Variants in COBL observed in about 807,000 individuals in gnomAD.
COBL encodes the protein cordon-bleu WH2 repeat protein, also known as protein cordon-bleu.
In COBL, 51 loss-of-function variants were observed where a neutral mutation model predicts 98.8. The observed-to-expected ratio is 0.52, with a 90% CI of 0.41 to 0.65. The LOEUF (loss-of-function observed/expected upper bound fraction) is 0.65. Among genes scored for constraint, COBL ranks in the 30% least tolerant of loss-of-function variants. COBL has a pLI of 0.00. For synonymous variants in COBL, 634 were observed against 651.7 expected, an observed-to-expected ratio of 0.97 and a Z score of 0.41; for missense variants, 1,617 against 1,617.5, an observed-to-expected ratio of 1.00 and a Z score of 0.01.
At chr7:51,223,204 C>T (rs921062405) in intron 1 of COBL, among the ~76,000 whole-genome samples, 4 of 152,270 alleles carry the variant, frequency 2.6e-5, no homozygotes, top group African/African-American at 7.2e-5. Flanking sequence ...GCTGCAAGGG[C>T]GGCAGGGAGG....
chr7:51,027,425 C>T (rs562148032), intron 10 of COBL, among the ~76,000 whole-genome samples: 1 of 152,226 alleles, frequency 6.6e-6, no homozygotes, highest in African/African-American at 2.4e-5. Flanking sequence ...ATTCCTCTGG[C>T]CCTGTGGATG....
At chr7:51,056,812 AACAC>A (rs3047115) in intron 7 of COBL, among the ~76,000 whole-genome samples, 91 of 143,672 alleles carry the variant, frequency 6.3e-4, no homozygotes, top group South Asian at 3.3e-3. Flanking sequence ...GTGCTCTCCC[AACAC>A]ACACACACAC....
In COBL at chr7:51,142,789, G is replaced by A. The variant is rs114239774; in HGVS notation, c.784-6458C>T. On this transcript the variant is annotated intron_variant, in intron 5 of 12. Transcript: ENST00000265136. ...AGGACCATCTGCCAGGCATTTGAAT[G>A]TTTAGAATGCTTAACAATGACAATT... Among the ~76,000 whole-genome samples the A allele has an allele frequency of 7.2e-3, 1,099 of 152,292 alleles. 13 individuals carry two copies. Among genetic ancestry groups the A allele is most frequent in the African/African-American group, 0.026 (1,067 of 41,554 alleles).
At chr7:51,207,633 T>C (rs930944193) in intron 2 of COBL, among the ~76,000 whole-genome samples, 1 of 152,262 alleles carries the variant, frequency 6.6e-6, no homozygotes, top group Non-Finnish European at 1.5e-5. Flanking sequence ...GGTTTCACTG[T>C]GTTGGCCGGG....
chr7:51,259,499 G>A, intron 1 of COBL: 1 of 630,826 alleles, frequency 1.6e-6, no homozygotes, highest in South Asian at 1.6e-5. Context: ...TCTCCTTGAG[G>A]AAACCCACTC....
At chr7:51,171,353 T>C (rs1285261770) in intron 5 of COBL, among the ~76,000 whole-genome samples, 2 of 152,132 alleles carry the variant, frequency 1.3e-5, no homozygotes, top group Non-Finnish European at 2.9e-5. Flanking sequence ...CAGGTCTCTA[T>C]GTGATTTTTG....
At chr7:51,149,131 G>A (rs1345552220) in intron 5 of COBL, among the ~76,000 whole-genome samples, 1 of 152,142 alleles carries the variant, frequency 6.6e-6, no homozygotes, top group Non-Finnish European at 1.5e-5. Flanking sequence ...CTGCTGCTTG[G>A]CTTGATTTTG....
At chr7:51,272,519 C>T (rs192726660) in intron 1 of COBL, among the ~76,000 whole-genome samples, 7 of 152,026 alleles carry the variant, frequency 4.6e-5, no homozygotes, top group Middle Eastern at 3.4e-3. Flanking sequence ...ATGGGCGACG[C>T]AAGAAAAAAA....
intron 1 of COBL, among the ~76,000 whole-genome samples, chr7:51,275,491 C>T (rs985369376): frequency 1.1e-4 from 17 of 152,314 alleles, no homozygotes; most frequent in African/African-American, 3.4e-4. Flanking sequence ...CCCAGCTCCA[C>T]GGCCACATGT....
intron 5 of COBL, among the ~76,000 whole-genome samples, chr7:51,139,837 C>G (rs1799571612): frequency 6.6e-6 from 1 of 152,176 alleles, no homozygotes. Flanking sequence ...AAACCAAGAG[C>G]TTAATGCATG....
chr7:51,298,787 G>T (rs538114805), intron 1 of COBL, among the ~76,000 whole-genome samples: 1 of 152,278 alleles, frequency 6.6e-6, no homozygotes, highest in South Asian at 2.1e-4. Flanking sequence ...AACAACAACT[G>T]CACCACTAAC....
At chr7:51,025,628 C>T (rs187398367) in intron 11 of COBL, among the ~76,000 whole-genome samples, 130 of 152,332 alleles carry the variant, frequency 8.5e-4, no homozygotes, top group Admixed American at 2.4e-3. Flanking sequence ...TCACAAGATA[C>T]TGAATCTGCT....
chr7:51,278,366 A>G, intron 1 of COBL, among the ~76,000 whole-genome samples: 1 of 140,152 alleles, frequency 7.1e-6, no homozygotes, highest in Non-Finnish European at 1.5e-5. Context: ...AGCATGCTAT[A>G]TTTAGACAGG....
intron 1 of COBL, among the ~76,000 whole-genome samples, chr7:51,237,118 G>C (rs1423880763): frequency 6.6e-6 from 1 of 152,154 alleles, no homozygotes; most frequent in Non-Finnish European, 1.5e-5. Flanking sequence ...TCTGGGCCTG[G>C]CCCAAGGAAG....
At chr7:51,252,874 A>G (rs11767529) in intron 1 of COBL, among the ~76,000 whole-genome samples, 47,840 of 152,088 alleles carry the variant, frequency 0.31, 9,245 homozygotes, top group Non-Finnish European at 0.43. Context: ...CGGTGATTTT[A>G]GCACTCAAAC....
chr7:51,218,926 A>T (rs1186994573), intron 2 of COBL, among the ~76,000 whole-genome samples: 3 of 152,226 alleles, frequency 2.0e-5, no homozygotes, highest in Non-Finnish European at 1.5e-5. Flanking sequence ...AATTATAGTT[A>T]ACTTTTTTCT....
At chr7:51,219,282 T>G (rs1793385169) in intron 2 of COBL, among the ~76,000 whole-genome samples, 1 of 152,134 alleles carries the variant, frequency 6.6e-6, no homozygotes, top group African/African-American at 2.4e-5. Flanking sequence ...TATTTTCACT[T>G]TAGAAAGTTG....
At chr7:51,256,509 C>T (rs1311812404) in intron 1 of COBL, among the ~76,000 whole-genome samples, 11 of 152,218 alleles carry the variant, frequency 7.2e-5, no homozygotes, top group Admixed American at 7.2e-4. Flanking sequence ...CCCACGTGGG[C>T]CTGGGCTTTC....
At chr7:51,225,022 T>C (rs1794047027) in intron 1 of COBL, among the ~76,000 whole-genome samples, 1 of 152,098 alleles carries the variant, frequency 6.6e-6, no homozygotes, top group Admixed American at 6.6e-5. Flanking sequence ...TGTGTGTGGA[T>C]GGCCTGTGCA....
Sources: gnomAD v4.1 joint callset for allele counts (sites outside exome capture counted in the v4.1 genomes callset) on GRCh38, gnomAD v4.1.1 for gene constraint, MANE v1.5 for transcripts, NCBI Gene and HGNC (gene_info 2026-07-23, HGNC 2026-07-21) for gene names.